The following SASH1 variants were observed in gnomAD, a reference collection of about 807,000 sequenced individuals.
SASH1 encodes the protein SAM and SH3 domain-containing protein 1.
Under a neutral mutation model 125.2 loss-of-function variants are expected in SASH1, and 44 were observed. The ratio of observed to expected loss-of-function variants is 0.35; its 90% CI spans 0.28 to 0.45. The LOEUF (loss-of-function observed/expected upper bound fraction) is 0.45, where lower values mean the gene tolerates loss of function less well. Among genes scored for constraint, SASH1 ranks in the 20% least tolerant of loss-of-function variants. The probability of loss-of-function intolerance (pLI) is 1.00; values close to 1 mark genes in which losing one functional copy is unlikely to be tolerated. For synonymous variants in SASH1, 639 were observed against 649.1 expected, an observed-to-expected ratio of 0.98 and a Z score of 0.24; for missense variants, 1,426 against 1,614.5, an observed-to-expected ratio of 0.88 and a Z score of 2.00.
chr6:148,333,026 G>A (rs1173718979), intron 1 of SASH1, among the ~76,000 whole-genome samples: 1 of 151,770 alleles, frequency 6.6e-6, no homozygotes, highest in East Asian at 1.9e-4. Flanking sequence ...ACAATCTGCT[G>A]GTATAGATTT....
At chr6:148,232,937 G>A in the SASH1 span, among the ~76,000 whole-genome samples, 4 of 152,074 alleles carry the variant, frequency 2.6e-5, no homozygotes, top group African/African-American at 7.2e-5. Flanking sequence ...CCAGTATATA[G>A]ATGAGGAAAC....
chr6:148,314,640 T>C (rs1780431099), intron 1 of SASH1, among the ~76,000 whole-genome samples: 1 of 152,214 alleles, frequency 6.6e-6, no homozygotes, highest in Non-Finnish European at 1.5e-5. Flanking sequence ...TGTATTTTCT[T>C]TCTTGCGTCT....
chr6:148,229,142 A>AAAC, the SASH1 span, among the ~76,000 whole-genome samples: 3,448 of 117,548 alleles, frequency 0.029, 167 homozygotes, highest in African/African-American at 0.1. Flanking sequence ...TCAAAAAAAA[A>AAAC]AAAAAAAAAA....
At chr6:148,416,398 G>A (rs1784818929) in intron 2 of SASH1, among the ~76,000 whole-genome samples, 1 of 152,026 alleles carries the variant, frequency 6.6e-6, no homozygotes, top group African/African-American at 2.4e-5. Context: ...TTCAGTGGAA[G>A]AGTAATGAGT....
intron 2 of SASH1, among the ~76,000 whole-genome samples, chr6:148,428,294 G>A (rs1038030116): frequency 1.3e-5 from 2 of 152,086 alleles, no homozygotes; most frequent in Non-Finnish European, 2.9e-5. Context: ...TTTCTGGAAC[G>A]TGGTGAGGCC....
chr6:148,203,962 T>G, the SASH1 span, among the ~76,000 whole-genome samples: 1 of 152,218 alleles, frequency 6.6e-6, no homozygotes, highest in Non-Finnish European at 1.5e-5. Context: ...TACCCAAAAC[T>G]GTTGGCAACT....
At chr6:148,377,741 G>C (rs1782969888) in intron 1 of SASH1, among the ~76,000 whole-genome samples, 1 of 152,138 alleles carries the variant, frequency 6.6e-6, no homozygotes, top group Non-Finnish European at 1.5e-5. Flanking sequence ...TTGGAATTCT[G>C]TGCCACTCAT....
At chr6:148,489,434 T>G (rs1779006845) in intron 8 of SASH1, among the ~76,000 whole-genome samples, 1 of 152,214 alleles carries the variant, frequency 6.6e-6, no homozygotes, top group Admixed American at 6.5e-5. Flanking sequence ...TTTTTAAGGT[T>G]GTTTTGGCTA....
intron 1 of SASH1, among the ~76,000 whole-genome samples, chr6:148,325,418 A>G (rs1350838658): frequency 6.6e-6 from 1 of 152,096 alleles, no homozygotes; most frequent in African/African-American, 2.4e-5. Context: ...CTGGGTTTAC[A>G]GGTGCATGCC....
chr6:148,526,868 T>C (rs1781198688), intron 11 of SASH1, among the ~76,000 whole-genome samples: 1 of 67,962 alleles, frequency 1.5e-5, no homozygotes, highest in Admixed American at 1.5e-4. Flanking sequence ...TGTAAATCAC[T>C]TTTTTTTTTT....
chr6:148,298,717 GA>G, intron 1 of SASH1, among the ~76,000 whole-genome samples: 2 of 88,968 alleles, frequency 2.2e-5, no homozygotes, highest in African/African-American at 5.1e-5. Context: ...AAGGAAGAAG[GA>G]AGGGAAAGGA....
chr6:148,438,887 G>GA (rs1453329243), intron 2 of SASH1, among the ~76,000 whole-genome samples: 1 of 152,156 alleles, frequency 6.6e-6, no homozygotes, highest in African/African-American at 2.4e-5. Flanking sequence ...AATCCTGCAT[G>GA]AAAGTGCATT....
intron 2 of SASH1, among the ~76,000 whole-genome samples, chr6:148,417,891 G>A (rs369460987): frequency 2.0e-5 from 3 of 152,326 alleles, no homozygotes; most frequent in Admixed American, 6.5e-5. Flanking sequence ...TGATAATCAC[G>A]TTGATGATAA....
At chr6:148,350,186 G>A (rs1340549237) in intron 1 of SASH1, among the ~76,000 whole-genome samples, 1 of 152,106 alleles carries the variant, frequency 6.6e-6, no homozygotes, top group Non-Finnish European at 1.5e-5. Context: ...CAGGCACAGC[G>A]CCTCACACCT....
chr6:148,200,894 C>T, the SASH1 span, among the ~76,000 whole-genome samples: 1 of 152,206 alleles, frequency 6.6e-6, no homozygotes, highest in South Asian at 2.1e-4. Flanking sequence ...AATTATACCT[C>T]TGTGACTGCT....
the SASH1 span, among the ~76,000 whole-genome samples, chr6:148,247,313 A>C: frequency 2.0e-5 from 3 of 152,230 alleles, no homozygotes; most frequent in Non-Finnish European, 4.4e-5. Context: ...AATTACAATA[A>C]GAAGGCTTCT....
intron 4 of SASH1, among the ~76,000 whole-genome samples, chr6:148,458,412 A>G (rs1365152949): frequency 6.6e-6 from 1 of 152,198 alleles, no homozygotes; most frequent in African/African-American, 2.4e-5. Context: ...TGCTACCCCA[A>G]ACAAACTCGG....
At position 148,543,877 on chromosome 6, in the gene SASH1, G is replaced by A; in HGVS notation, c.2407G>A (p.Gly803Ser). 6.2e-7 allele frequency: 1 copy of A among 1,614,178 alleles called. No homozygotes were observed. The highest frequency in any genetic ancestry group is 8.5e-7 in the Non-Finnish European group (1 of 1,180,032). The change falls in exon 18 of 20, where the codon GGT becomes AGT. Residue 803 changes from glycine (G) to serine (S), a missense_variant. By Grantham distance (56) the Gly-to-Ser change is moderately conservative. Coordinates refer to ENST00000367467, the MANE Select transcript of SASH1 (RefSeq NM_015278.5). ...CACGTCCAAGAGCTGTGACCCACCT[G>A]GTGTGACTGGTTTGAATAAAAACCG... ...PDTSKSCDPP[G>S]VTGLNKNRRS...
chr6:148,454,034 A>G (rs1402199612), intron 4 of SASH1, among the ~76,000 whole-genome samples: 1 of 152,154 alleles, frequency 6.6e-6, no homozygotes, highest in East Asian at 1.9e-4. Context: ...CAGCAAAAAC[A>G]ATGCCTGCAA....
Sources: gnomAD v4.1 joint callset for allele counts (sites outside exome capture counted in the v4.1 genomes callset) on GRCh38, gnomAD v4.1.1 for gene constraint, MANE v1.5 for transcripts, NCBI Gene and HGNC (gene_info 2026-07-23, HGNC 2026-07-21) for gene names.